CNTNAP2: variants seen among roughly 807,000 people sequenced by gnomAD.
CNTNAP2 encodes contactin associated protein 2.
A neutral mutation model predicts 155.2 loss-of-function variants in CNTNAP2; 98 were observed. The ratio of observed to expected loss-of-function variants is 0.63; its 90% CI spans 0.54 to 0.75. CNTNAP2 has a LOEUF of 0.75. Ranked by LOEUF, CNTNAP2 falls within the 30% of genes least tolerant of loss-of-function variation. CNTNAP2 has a pLI of 0.00. For synonymous variants in CNTNAP2, 651 were observed against 631.2 expected, an observed-to-expected ratio of 1.03 and a Z score of -0.47; for missense variants, 1,727 against 1,688.1, an observed-to-expected ratio of 1.02 and a Z score of -0.40.
At chr7:147,462,467 G>A (rs981877697) in intron 10 of CNTNAP2, among the ~76,000 whole-genome samples, 8 of 152,074 alleles carry the variant, frequency 5.3e-5, no homozygotes, top group Non-Finnish European at 7.4e-5. Flanking sequence ...CCCTATTAAC[G>A]TTAGCCAATT....
intron 1 of CNTNAP2, among the ~76,000 whole-genome samples, chr7:146,158,286 A>G (rs1261440000): frequency 2.0e-5 from 3 of 152,228 alleles, no homozygotes; most frequent in Non-Finnish European, 4.4e-5. Context: ...GATGGGAAGA[A>G]GCCAGAGCAG....
intron 3 of CNTNAP2, among the ~76,000 whole-genome samples, chr7:146,867,361 C>G (rs977562163): frequency 6.6e-6 from 1 of 152,090 alleles, no homozygotes; most frequent in Non-Finnish European, 1.5e-5. Context: ...TGTTCTTTTT[C>G]AATGGCTGCA....
intron 1 of CNTNAP2, among the ~76,000 whole-genome samples, chr7:146,741,067 C>G (rs558500778): frequency 1.3e-5 from 2 of 152,090 alleles, no homozygotes; most frequent in African/African-American, 4.8e-5. Context: ...AAATCCTGTG[C>G]TCACATCCCT....
chr7:147,564,123 T>A (rs1236906485), intron 12 of CNTNAP2, among the ~76,000 whole-genome samples: 1 of 152,046 alleles, frequency 6.6e-6, no homozygotes, highest in African/African-American at 2.4e-5. Context: ...TGAGTTGTGA[T>A]CACACTACTG....
chr7:147,990,637 G>A (rs1268803884), intron 15 of CNTNAP2, among the ~76,000 whole-genome samples: 1 of 152,058 alleles, frequency 6.6e-6, no homozygotes, highest in Non-Finnish European at 1.5e-5. Context: ...TTATGGTCAT[G>A]CTGACCTTAG....
intron 3 of CNTNAP2, among the ~76,000 whole-genome samples, chr7:147,037,452 T>TTC (rs1554428312): frequency 3.3e-5 from 4 of 119,686 alleles, no homozygotes; most frequent in Admixed American, 7.7e-5. Context: ...GTTTTTTTTT[T>TTC]CCCTTTTTTT....
intron 1 of CNTNAP2, among the ~76,000 whole-genome samples, chr7:146,194,315 G>T (rs1016576771): frequency 5.3e-5 from 8 of 152,182 alleles, no homozygotes; most frequent in African/African-American, 1.9e-4. Flanking sequence ...ATGTTTAATG[G>T]ACTCACAGTT....
intron 10 of CNTNAP2, among the ~76,000 whole-genome samples, chr7:147,461,980 C>T (rs368154753): frequency 2.0e-5 from 3 of 152,168 alleles, no homozygotes; most frequent in African/African-American, 7.2e-5. Flanking sequence ...TCTCTTTCCT[C>T]TCCCAGTTTT....
chr7:147,440,704 T>G (rs1797622917), intron 10 of CNTNAP2, among the ~76,000 whole-genome samples: 8 of 152,172 alleles, frequency 5.3e-5, no homozygotes, highest in Admixed American at 5.2e-4. Context: ...TTATTTCTTC[T>G]TCACGTTCGA....
intron 18 of CNTNAP2, among the ~76,000 whole-genome samples, chr7:148,195,253 T>C (rs1215878329): frequency 1.3e-5 from 2 of 152,250 alleles, no homozygotes; most frequent in Non-Finnish European, 2.9e-5. Flanking sequence ...CAGTCTGTGC[T>C]ACAAAGTAGG....
rs1032541879 is a variant in CNTNAP2 at position 146,494,060 on chromosome 7, A to T, written c.98-280211A>T. On this transcript the variant is annotated intron_variant, in intron 1 of 23. Transcript: ENST00000361727. ...TAAAAAATAAAAATGCAGGCCGGAAACAGTGGCTCACGCCTGTAATGCCAG... is the reference window on the plus strand; with the variant it reads ...TAAAAAATAAAAATGCAGGCCGGAATCAGTGGCTCACGCCTGTAATGCCAG... Among the ~76,000 whole-genome samples, 7 of 152,174 alleles carry T rather than the reference A, an allele frequency of 4.6e-5. 1 individual carries two copies. The highest frequency in any genetic ancestry group is 3.9e-4 in the Admixed American group (6 of 15,262).
At chr7:146,474,795 A>G in intron 1 of CNTNAP2, among the ~76,000 whole-genome samples, 1 of 152,230 alleles carries the variant, frequency 6.6e-6, no homozygotes, top group East Asian at 1.9e-4. Flanking sequence ...ATTTTGAAGA[A>G]AGATGTTGGC....
chr7:146,735,210 A>G (rs1256840865), intron 1 of CNTNAP2, among the ~76,000 whole-genome samples: 1 of 152,194 alleles, frequency 6.6e-6, no homozygotes. Flanking sequence ...TGAAAATGCC[A>G]TTCTTACCAG....
At chr7:146,936,175 AAG>A (rs1796909865) in intron 3 of CNTNAP2, among the ~76,000 whole-genome samples, 1 of 152,180 alleles carries the variant, frequency 6.6e-6, no homozygotes, top group African/African-American at 2.4e-5. Flanking sequence ...CCTGACCAAA[AAG>A]GGGGAATTCT....
At chr7:146,848,603 C>G (rs1010764146) in intron 3 of CNTNAP2, among the ~76,000 whole-genome samples, 1 of 152,130 alleles carries the variant, frequency 6.6e-6, no homozygotes, top group East Asian at 1.9e-4. Context: ...TTCTTTGGAG[C>G]TACCTACTAT....
At chr7:147,558,036 C>A (rs1799984837) in intron 11 of CNTNAP2, among the ~76,000 whole-genome samples, 1 of 152,036 alleles carries the variant, frequency 6.6e-6, no homozygotes, top group Non-Finnish European at 1.5e-5. Flanking sequence ...ACTGCAGTGT[C>A]AAAATTCTAG....
In CNTNAP2 at chr7:147,128,760, G is replaced by T. The variant is rs1229878290; in HGVS notation, c.1007G>T (p.Cys336Phe). 2 of 1,613,942 alleles carry T rather than the reference G, an allele frequency of 1.2e-6. No homozygotes were observed. The highest frequency in any genetic ancestry group is 2.7e-5 in the African/African-American group (2 of 74,896). The change falls in exon 7 of 24, where the codon TGC becomes TTC. Residue 336 changes from cysteine (C) to phenylalanine (F), a missense_variant. Coordinates refer to ENST00000361727, the MANE Select transcript of CNTNAP2 (RefSeq NM_014141.6). ...SSSSRKNFKG[C>F]MESINYNGVN... Reference sequence around the variant, plus strand: ...AGCAGTAGAAAGAATTTCAAAGGCTGCATGGAAAGCATCAACTACAATGGC... The same window carrying T: ...AGCAGTAGAAAGAATTTCAAAGGCTTCATGGAAAGCATCAACTACAATGGC...
At chr7:146,824,048 C>A (rs571434447) in intron 2 of CNTNAP2, among the ~76,000 whole-genome samples, 32 of 152,180 alleles carry the variant, frequency 2.1e-4, no homozygotes, top group African/African-American at 7.5e-4. Flanking sequence ...CCCTCCAACC[C>A]CTGACAGGCC....
chr7:147,579,849 C>T (rs1468757942), intron 12 of CNTNAP2, among the ~76,000 whole-genome samples: 1 of 152,130 alleles, frequency 6.6e-6, no homozygotes, highest in Non-Finnish European at 1.5e-5. Context: ...ATGGTACATA[C>T]ACTTGGGAAA....
Sources: allele counts gnomAD v4.1 joint callset (sites outside exome capture counted in the v4.1 genomes callset), GRCh38; gene constraint gnomAD v4.1.1; transcripts MANE v1.5; gene names NCBI Gene and HGNC (gene_info 2026-07-23, HGNC 2026-07-21).